Variants in LHFPL2 observed in about 807,000 individuals in gnomAD.
LHFPL2 encodes LHFPL tetraspan subfamily member 2.
Under a neutral mutation model 17.5 loss-of-function variants are expected in LHFPL2, and 7 were observed. The observed-to-expected ratio is 0.40, with a 90% CI of 0.23 to 0.75. LHFPL2 has a LOEUF of 0.75. Among genes scored for constraint, LHFPL2 ranks in the 30% least tolerant of loss-of-function variants. The pLI is 0.37. For synonymous variants in LHFPL2, 134 were observed against 116.2 expected (o/e 1.15, Z -0.99); for missense variants, 241 against 294.8 (o/e 0.82, Z 1.34).
At position 78,648,197 on chromosome 5, in the gene LHFPL2, G is replaced by A. The variant is rs543787730; in HGVS notation, c.-350+302C>T. On this transcript the variant is annotated intron_variant, in intron 1 of 4. Coordinates refer to ENST00000380345, the MANE Select transcript of LHFPL2 (RefSeq NM_005779.3). The surrounding 1 kb of genome is among the most constrained non-coding windows in gnomAD (Gnocchi z 5.4). ...CGCCCAGAGAGCAGGGCTCGCGCCG[G>A]CTTCCCGAGGAGACGCTGTTCCCGG... Among the ~76,000 whole-genome samples, 1 of 152,138 alleles carries A rather than the reference G, an allele frequency of 6.6e-6. No homozygotes were observed. The highest frequency in any genetic ancestry group is 1.5e-5 in the Non-Finnish European group (1 of 68,006).
chr5:78,570,733 T>C (rs1756978886), intron 2 of LHFPL2, among the ~76,000 whole-genome samples: 1 of 151,742 alleles, frequency 6.6e-6, no homozygotes, highest in African/African-American at 2.4e-5. Context: ...GCAAACCTCA[T>C]CAAATATCCT....
chr5:78,518,068 T>G (rs1294021725), intron 3 of LHFPL2, among the ~76,000 whole-genome samples: 1 of 152,220 alleles, frequency 6.6e-6, no homozygotes, highest in Non-Finnish European at 1.5e-5. Context: ...CCTATGCCTG[T>G]ACAGACCATA....
intron 1 of LHFPL2, among the ~76,000 whole-genome samples, chr5:78,645,678 G>A (rs1745847483): frequency 6.6e-6 from 1 of 152,058 alleles, no homozygotes; most frequent in African/African-American, 2.4e-5. Context: ...CGCCACCCGG[G>A]TTCAAGCGAT....
chr5:78,528,117 C>G (rs76554581), intron 3 of LHFPL2, among the ~76,000 whole-genome samples: 2,434 of 152,328 alleles, frequency 0.016, 77 homozygotes, highest in African/African-American at 0.055. Flanking sequence ...TAAACCAATG[C>G]ATTTCTTGTG....
rs74530627 is a variant in LHFPL2 at position 78,502,451 on chromosome 5, G to A, written c.430+7333C>T. Reference sequence around the variant, plus strand: ...TCTCAACAGACTAACCTAGCCAGATGATTCCTTCCCATCAGTTAGTGATGA... The same window carrying A: ...TCTCAACAGACTAACCTAGCCAGATAATTCCTTCCCATCAGTTAGTGATGA... On this transcript the variant is annotated intron_variant, in intron 4 of 4. Transcript: ENST00000380345. 3.7e-3 allele frequency among the ~76,000 whole-genome samples: 570 copies of A among 152,324 alleles called. 6 individuals carry two copies. Among genetic ancestry groups the A allele is most frequent in the African/African-American group, 0.013 (551 of 41,556 alleles).
intron 2 of LHFPL2, among the ~76,000 whole-genome samples, chr5:78,588,108 C>A (rs753717086): frequency 6.6e-6 from 1 of 152,244 alleles, no homozygotes; most frequent in Admixed American, 6.5e-5. Context: ...CTAATTCTAG[C>A]TGGCCAACAG....
intron 2 of LHFPL2, among the ~76,000 whole-genome samples, chr5:78,605,605 A>T (rs569603721): frequency 3.5e-4 from 54 of 152,340 alleles, no homozygotes; most frequent in African/African-American, 1.3e-3. Flanking sequence ...AAGATAAGTG[A>T]AATCAAAGAT....
At chr5:78,635,751 C>T (rs1022686307) in intron 1 of LHFPL2, among the ~76,000 whole-genome samples, 5 of 152,116 alleles carry the variant, frequency 3.3e-5, no homozygotes, top group Admixed American at 1.3e-4. Context: ...TGCAGTGAGC[C>T]GAGATCGCGC....
chr5:78,529,858 T>G (rs764068138), intron 3 of LHFPL2, among the ~76,000 whole-genome samples: 19 of 152,220 alleles, frequency 1.2e-4, no homozygotes, highest in Non-Finnish European at 2.5e-4. Flanking sequence ...TTTTTTAATA[T>G]CTTTGCAAAA....
chr5:78,568,646 G>C (rs1756919555), intron 2 of LHFPL2, among the ~76,000 whole-genome samples: 1 of 152,194 alleles, frequency 6.6e-6, no homozygotes, highest in Non-Finnish European at 1.5e-5. Flanking sequence ...AGAAAGAACT[G>C]TGTAATAAAC....
intron 1 of LHFPL2, among the ~76,000 whole-genome samples, chr5:78,638,579 G>A (rs547477056): frequency 2.0e-5 from 3 of 152,234 alleles, no homozygotes; most frequent in African/African-American, 4.8e-5. Flanking sequence ...CGAGGTCACG[G>A]GTATGATTAG....
chr5:78,529,369 C>T (rs2112355106), intron 3 of LHFPL2, among the ~76,000 whole-genome samples: 1 of 152,348 alleles, frequency 6.6e-6, no homozygotes, highest in East Asian at 1.9e-4. Flanking sequence ...CTGAAAAGGA[C>T]TCTTACTGAT....
chr5:78,632,035 G>A (rs1033192958), intron 2 of LHFPL2, among the ~76,000 whole-genome samples: 1 of 152,176 alleles, frequency 6.6e-6, no homozygotes, highest in East Asian at 1.9e-4. Context: ...AGAGAAAAGG[G>A]TGTTGAAACA....
intron 3 of LHFPL2, among the ~76,000 whole-genome samples, chr5:78,545,262 C>A (rs553723161): frequency 3.2e-4 from 49 of 152,314 alleles, no homozygotes; most frequent in South Asian, 6.2e-4. Context: ...CCAACACATT[C>A]CCCATCAGGA....
At chr5:78,508,864 A>C (rs1755015164) in intron 4 of LHFPL2, among the ~76,000 whole-genome samples, 1 of 35,502 alleles carries the variant, frequency 2.8e-5, no homozygotes, top group Non-Finnish European at 5.5e-5. Context: ...TATCAAAGCA[A>C]GAGTCTACTC....
chr5:78,529,510 G>C (rs539549463), intron 3 of LHFPL2, among the ~76,000 whole-genome samples: 3 of 152,332 alleles, frequency 2.0e-5, no homozygotes, highest in African/African-American at 7.2e-5. Context: ...GTAACAGGGG[G>C]TTGGTGCAGG....
At chr5:78,605,950 C>T (rs1240481418) in intron 2 of LHFPL2, among the ~76,000 whole-genome samples, 5 of 152,186 alleles carry the variant, frequency 3.3e-5, no homozygotes, top group African/African-American at 7.2e-5. Context: ...GTCAGCCACA[C>T]TCAATAACAC....
intron 2 of LHFPL2, among the ~76,000 whole-genome samples, chr5:78,568,919 T>G (rs959649117): frequency 1.3e-5 from 2 of 152,184 alleles, no homozygotes; most frequent in Admixed American, 1.3e-4. Context: ...GGGAGAGACA[T>G]CTTTACTATC....
In LHFPL2 at chr5:78,487,221, A is replaced by C. The variant is rs1754277578; in HGVS notation, c.*1676T>G. On this transcript the variant is annotated 3_prime_UTR_variant, in exon 5 of 5. Coordinates refer to ENST00000380345, the MANE Select transcript of LHFPL2 (RefSeq NM_005779.3). Reference sequence around the variant, plus strand: ...GAGAAGATGGTTTCTCATATAGGCCAAACACCAGAATGTAGTAAAACTGCG... The same window carrying C: ...GAGAAGATGGTTTCTCATATAGGCCCAACACCAGAATGTAGTAAAACTGCG... 1 of 152,206 alleles carries C rather than the reference A, an allele frequency of 6.6e-6. No individual in the cohort carries two copies. The highest frequency in any genetic ancestry group is 2.4e-5 in the African/African-American group (1 of 41,460). The allele number at this position is 152,206 out of a possible 1,614,324, so 9.4% of individuals were successfully genotyped here.
Sources: gnomAD v4.1 joint callset for allele counts (sites outside exome capture counted in the v4.1 genomes callset) on GRCh38, gnomAD v4.1.1 for gene constraint, Gnocchi (gnomAD v3.1) non-coding constraint, MANE v1.5 for transcripts, NCBI Gene and HGNC (gene_info 2026-07-23, HGNC 2026-07-21) for gene names.